JAK2: variants seen among roughly 807,000 people sequenced by gnomAD.
JAK2 encodes tyrosine-protein kinase JAK2.
A neutral mutation model predicts 139.3 loss-of-function variants in JAK2; 86 were observed. That is an observed-to-expected ratio of 0.62 (90% confidence interval 0.52 to 0.74). The LOEUF (loss-of-function observed/expected upper bound fraction) is 0.74, where lower values mean the gene tolerates loss of function less well. JAK2 is among the 30% of genes least tolerant of loss of function. The pLI, the probability that JAK2 is intolerant of heterozygous loss-of-function variation, is 0.00. For synonymous variants in JAK2, 490 were observed against 437.7 expected (o/e 1.12, Z -1.49); for missense variants, 1,421 against 1,360.3 (o/e 1.04, Z -0.70).
Position 5,128,474 on chromosome 9 carries a change from A to G in JAK2, c.*1683A>G, listed in dbSNP as rs983506127. On this transcript the variant is annotated 3_prime_UTR_variant, in exon 25 of 25. Coordinates refer to ENST00000381652, the MANE Select transcript of JAK2 (RefSeq NM_004972.4). Reference sequence around the variant, plus strand: ...CCATTTTACTACCTTTCAAGTGAAAAATAGCCTATCATACAATATGCTTGA... The same window carrying G: ...CCATTTTACTACCTTTCAAGTGAAAGATAGCCTATCATACAATATGCTTGA... Among the ~76,000 whole-genome samples, 1 of 151,868 alleles carries G rather than the reference A, an allele frequency of 6.6e-6. No individual in the cohort carries two copies. Among genetic ancestry groups the G allele is most frequent in the African/African-American group, 2.4e-5 (1 of 41,436 alleles).
chr9:5,112,661 C>A, intron 22 of JAK2: 1 of 962,416 alleles, frequency 1.0e-6, no homozygotes, highest in Non-Finnish European at 1.5e-6. Context: ...ACTCCTTATC[C>A]TGCACCAGGC....
At chr9:5,107,947 ATTAT>A (rs1012714714) in intron 22 of JAK2, 7 of 152,160 alleles carry the variant, frequency 4.6e-5, no homozygotes, top group African/African-American at 1.7e-4. Context: ...TATTCCGACA[ATTAT>A]GCTGTTACCA....
chr9:4,991,351 C>G (rs1820229556), intron 2 of JAK2, among the ~76,000 whole-genome samples: 1 of 152,076 alleles, frequency 6.6e-6, no homozygotes, highest in Non-Finnish European at 1.5e-5. Flanking sequence ...TTATTGGAAA[C>G]AGAGTACTCA....
chr9:5,118,338 T>C (rs972966568), intron 22 of JAK2, among the ~76,000 whole-genome samples: 3 of 152,228 alleles, frequency 2.0e-5, no homozygotes, highest in African/African-American at 2.4e-5. Context: ...CACTTTGTAT[T>C]TGGATAATCT....
At chr9:5,112,435 CAAG>C (rs1822682431) in intron 22 of JAK2, 3 of 517,934 alleles carry the variant, frequency 5.8e-6, no homozygotes, top group Non-Finnish European at 1.1e-5. Context: ...GCTGACCACT[CAAG>C]AGGAGAAGAA....
intron 22 of JAK2, chr9:5,111,707 G>A (rs974772752): frequency 1.6e-5 from 7 of 431,892 alleles, no homozygotes; most frequent in Non-Finnish European, 2.3e-5. Context: ...CACGTTTGGC[G>A]GCCTGCACCA....
intron 22 of JAK2, among the ~76,000 whole-genome samples, chr9:5,120,533 C>T (rs1003164952): frequency 1.3e-5 from 2 of 152,132 alleles, no homozygotes; most frequent in African/African-American, 4.8e-5. Flanking sequence ...ACGGTAATAA[C>T]TGGGGGAAAA....
At chr9:5,024,498 A>T (rs1822649410) in intron 3 of JAK2, among the ~76,000 whole-genome samples, 1 of 151,912 alleles carries the variant, frequency 6.6e-6, no homozygotes, top group African/African-American at 2.4e-5. Context: ...GCTGACTCTA[A>T]AGAACAGCTT....
chr9:5,115,803 A>C (rs1052722597), intron 22 of JAK2, among the ~76,000 whole-genome samples: 1 of 152,182 alleles, frequency 6.6e-6, no homozygotes, highest in East Asian at 1.9e-4. Context: ...CAGCAAACAC[A>C]GGAACAGAAA....
intron 4 of JAK2, among the ~76,000 whole-genome samples, chr9:5,037,953 T>G (rs538293516): frequency 6.6e-6 from 1 of 152,200 alleles, no homozygotes; most frequent in Non-Finnish European, 1.5e-5. Flanking sequence ...AAACAGTGTA[T>G]CCATTTAACA....
chr9:5,082,378 C>G (rs896296398), intron 19 of JAK2, among the ~76,000 whole-genome samples: 3 of 152,242 alleles, frequency 2.0e-5, no homozygotes, highest in Non-Finnish European at 1.5e-5. Flanking sequence ...TTATGCTTCT[C>G]TCCACCCAAA....
intron 22 of JAK2, among the ~76,000 whole-genome samples, chr9:5,122,127 T>C (rs1179974629): frequency 6.6e-6 from 1 of 152,066 alleles, no homozygotes; most frequent in Non-Finnish European, 1.5e-5. Context: ...TTGTGGAGAT[T>C]AGGAAACTTA....
Position 5,029,382 on chromosome 9 carries a change from T to A in JAK2, c.227-401T>A, listed in dbSNP as rs147212881. ...AATGTCAAAGATCACTGATCACAGA[T>A]CATCATAACTGATATAATAATAAAA... On this transcript the variant is annotated intron_variant, in intron 3 of 24. Coordinates refer to ENST00000381652, the MANE Select transcript of JAK2 (RefSeq NM_004972.4). Among the ~76,000 whole-genome samples, 1,363 of 152,262 alleles carry A rather than the reference T, an allele frequency of 9.0e-3. 17 individuals are homozygous for A. Among genetic ancestry groups the A allele is most frequent in the African/African-American group, 0.03 (1,238 of 41,534 alleles).
At chr9:5,026,925 C>T (rs766956020) in intron 3 of JAK2, among the ~76,000 whole-genome samples, 1 of 152,106 alleles carries the variant, frequency 6.6e-6, no homozygotes, top group Non-Finnish European at 1.5e-5. Context: ...ATTAAAATAG[C>T]CCAAAGGACA....
chr9:5,123,131 CT>C lies in JAK2; in HGVS notation c.3177+15del, dbSNP rs1236702334. The stretch of plus-strand genomic sequence containing the variant: ...TAAAAGTCCACCAGCGGTCAGTGTG[CT>C]TTTTATTTACTTTCAGTTTTTTGTT... On this transcript the variant is annotated intron_variant, in intron 23 of 24. Transcript: ENST00000381652. 5 of 1,523,546 alleles carry C rather than the reference CT, an allele frequency of 3.3e-6. No individual in the cohort carries two copies. The South Asian group carries it at 3.6e-5, about 11-fold the overall frequency. The allele number at this position is 1,523,546 out of a possible 1,614,324, so 94.4% of individuals were successfully genotyped here. A position where few individuals can be genotyped will look rare whatever the true frequency, so the allele number is the denominator to read the frequency against.
chr9:5,124,290 C>A (rs1823834816), intron 23 of JAK2, among the ~76,000 whole-genome samples: 1 of 151,592 alleles, frequency 6.6e-6, no homozygotes, highest in Non-Finnish European at 1.5e-5. Context: ...TGTTTACACT[C>A]ATTTCCATTA....
intron 10 of JAK2, among the ~76,000 whole-genome samples, chr9:5,067,483 A>T (rs1275326638): frequency 6.6e-6 from 1 of 152,044 alleles, no homozygotes; most frequent in African/African-American, 2.4e-5. Context: ...AATTATTTTA[A>T]TTTTTATAAA....
intron 19 of JAK2, among the ~76,000 whole-genome samples, chr9:5,082,748 T>C (rs917325727): frequency 6.6e-6 from 1 of 152,244 alleles, no homozygotes; most frequent in African/African-American, 2.4e-5. Context: ...GACTGGAGAA[T>C]GGCGATGACT....
At position 5,123,035 on chromosome 9, in the gene JAK2, T is replaced by A; in HGVS notation, c.3091T>A (p.Phe1031Ile). The change falls in exon 23 of 25, where the codon TTT (phenylalanine) becomes ATT (isoleucine). Residue 1031 changes from phenylalanine (F) to isoleucine (I), a missense_variant. Physicochemically the swap from Phe to Ile is conservative, Grantham distance 21. Transcript: ENST00000381652. The part of the protein sequence containing the change: ...YAPESLTESK[F>I]SVASDVWSFG... ...TCCAGAATCACTGACAGAGAGCAAG[T>A]TTTCTGTGGCCTCAGATGTTTGGAG... is the stretch of plus-strand genomic sequence containing the variant. The A allele has an allele frequency of 6.2e-7, 1 of 1,611,348 alleles. No homozygotes were observed. Among genetic ancestry groups the A allele is most frequent in the Non-Finnish European group, 8.5e-7 (1 of 1,178,334 alleles).
Sources: allele counts gnomAD v4.1 joint callset (sites outside exome capture counted in the v4.1 genomes callset), GRCh38; gene constraint gnomAD v4.1.1; transcripts MANE v1.5; gene names NCBI Gene and HGNC (gene_info 2026-07-23, HGNC 2026-07-21).